The following PCDH11Y variants were observed in gnomAD, a reference collection of about 807,000 sequenced individuals.
PCDH11Y encodes the protein protocadherin 11 Y-linked, also known as protocadherin-11 Y-linked.
For synonymous variants in PCDH11Y, 9 were observed against 83.6 expected (o/e 0.11, Z 4.87); for missense variants, 12 against 224.8 (o/e 0.05, Z 6.05).
chrY:5,486,753 T>A (rs1602932679), intron 2 of PCDH11Y, among the ~76,000 whole-genome samples: 87 of 8,918 alleles, frequency 9.8e-3, no homozygotes, highest in Non-Finnish European at 0.014. Flanking sequence ...ATATATATAT[T>A]TTTTTTTTTT....
intron 3 of PCDH11Y, among the ~76,000 whole-genome samples, chrY:5,565,147 G>A: frequency 3.0e-5 from 1 of 33,487 alleles, no homozygotes; most frequent in Non-Finnish European, 7.4e-5. Context: ...TTCATGATAA[G>A]AAAAGCAATG....
At chrY:5,093,208 C>A (rs1342165888) in intron 1 of PCDH11Y, among the ~76,000 whole-genome samples, 56 of 33,401 alleles carry the variant, frequency 1.7e-3, no homozygotes, top group South Asian at 2.0e-3. Flanking sequence ...GAATTAAAGT[C>A]TCAGAAGGGC....
intron 4 of PCDH11Y, among the ~76,000 whole-genome samples, chrY:5,664,944 G>A: frequency 6.0e-5 from 2 of 33,113 alleles, no homozygotes; most frequent in African/African-American, 2.4e-4. Flanking sequence ...TCCCTGATAT[G>A]CTTACAATTC....
At chrY:5,731,225 G>T (rs2053604294) in intron 4 of PCDH11Y, among the ~76,000 whole-genome samples, 1 of 31,916 alleles carries the variant, frequency 3.1e-5, no homozygotes, top group African/African-American at 1.2e-4. Context: ...GTACAATTTG[G>T]CTCTGAATCC....
At chrY:5,305,890 A>C (rs2053090038) in intron 2 of PCDH11Y, among the ~76,000 whole-genome samples, 35 of 31,602 alleles carry the variant, frequency 1.1e-3, no homozygotes, top group African/African-American at 3.9e-3. Context: ...CTGCTTGAAT[A>C]CCTTTCAGGA....
intron 1 of PCDH11Y, among the ~76,000 whole-genome samples, chrY:5,028,371 T>C: frequency 2.1e-4 from 7 of 34,073 alleles, no homozygotes; most frequent in Admixed American, 1.6e-3. Context: ...TATAGATGTA[T>C]GCATTCTAAG....
At chrY:5,655,441 C>T in intron 4 of PCDH11Y, among the ~76,000 whole-genome samples, 1 of 32,804 alleles carries the variant, frequency 3.0e-5, no homozygotes, top group Non-Finnish European at 7.5e-5. Flanking sequence ...TTATCAAATT[C>T]TCATAGTATG....
chrY:5,646,194 C>G, intron 4 of PCDH11Y, among the ~76,000 whole-genome samples: 1 of 33,000 alleles, frequency 3.0e-5, no homozygotes, highest in South Asian at 6.7e-4. Context: ...TGCGACAACA[C>G]CTATGGAACT....
chrY:5,231,244 T>C, intron 2 of PCDH11Y, among the ~76,000 whole-genome samples: 1 of 32,488 alleles, frequency 3.1e-5, no homozygotes, highest in Non-Finnish European at 7.5e-5. Flanking sequence ...AAGAGCTAGA[T>C]AGGTATTGTA....
chrY:5,681,718 C>A (rs2053558612), intron 4 of PCDH11Y, among the ~76,000 whole-genome samples: 3 of 29,402 alleles, frequency 1.0e-4, no homozygotes, highest in African/African-American at 2.7e-4. Flanking sequence ...TTTTTTTTTT[C>A]TCTGTGATAT....
At chrY:5,482,388 C>T in intron 2 of PCDH11Y, among the ~76,000 whole-genome samples, 1 of 33,621 alleles carries the variant, frequency 3.0e-5, no homozygotes, top group Admixed American at 2.7e-4. Context: ...AGTACTGTCT[C>T]CTTTCAATTC....
chrY:5,228,189 TTTC>T (rs2052963098), intron 2 of PCDH11Y, among the ~76,000 whole-genome samples: 1 of 23,248 alleles, frequency 4.3e-5, no homozygotes, highest in Admixed American at 4.3e-4. Flanking sequence ...AATTTGTCCA[TTTC>T]TTCTACATTT....
chrY:5,175,125 GT>G (rs2052891945), intron 2 of PCDH11Y, among the ~76,000 whole-genome samples: 1 of 22,943 alleles, frequency 4.4e-5, no homozygotes, highest in Non-Finnish European at 1.0e-4. Context: ...TGTTACTAGT[GT>G]TGAATCTTTT....
intron 2 of PCDH11Y, among the ~76,000 whole-genome samples, chrY:5,295,105 T>C (rs1266842761): frequency 6.0e-5 from 2 of 33,496 alleles, no homozygotes; most frequent in Non-Finnish European, 1.5e-4. Context: ...AAAAGTTTGA[T>C]GCAAGATGTA....
intron 4 of PCDH11Y, among the ~76,000 whole-genome samples, chrY:5,706,335 A>G: frequency 3.1e-5 from 1 of 32,758 alleles, no homozygotes; most frequent in African/African-American, 1.2e-4. Flanking sequence ...TGAACATTCA[A>G]TTCTGCTTCG....
intron 2 of PCDH11Y, among the ~76,000 whole-genome samples, chrY:5,295,753 T>A: frequency 6.0e-5 from 2 of 33,446 alleles, no homozygotes; most frequent in African/African-American, 2.3e-4. Flanking sequence ...TAGTTTTTTA[T>A]TCTTTTTTCT....
At chrY:5,369,414 C>A in intron 2 of PCDH11Y, among the ~76,000 whole-genome samples, 2 of 33,339 alleles carry the variant, frequency 6.0e-5, no homozygotes, top group Non-Finnish European at 1.5e-4. Context: ...TTTTCTTTTG[C>A]TACTGCCATG....
intron 2 of PCDH11Y, among the ~76,000 whole-genome samples, chrY:5,455,168 A>G: frequency 6.0e-5 from 2 of 33,067 alleles, no homozygotes; most frequent in Non-Finnish European, 1.5e-4. Flanking sequence ...GTTACTCTAT[A>G]TCATCATTCT....
chrY:5,741,294 G>A, exon 5 of PCDH11Y: 1 of 28,682 alleles, frequency 3.5e-5, no homozygotes. Flanking sequence ...ATCACAAATT[G>A]TTCAGTTCTT....
Sources: gnomAD v4.1 joint callset for allele counts (sites outside exome capture counted in the v4.1 genomes callset) on GRCh38, gnomAD v4.1.1 for gene constraint, MANE v1.5 for transcripts, NCBI Gene and HGNC (gene_info 2026-07-23, HGNC 2026-07-21) for gene names.